Variants in PFKL observed in about 807,000 individuals in gnomAD.
The protein encoded by PFKL is phosphofructokinase, liver type.
PFKL carries 74 observed loss-of-function variants against 92.1 expected under a neutral mutation model. The observed-to-expected ratio is 0.80, with a 90% CI of 0.67 to 0.97. The LOEUF (loss-of-function observed/expected upper bound fraction) is 0.97. Among genes scored for constraint, PFKL ranks in the 50% least tolerant of loss-of-function variants. The probability of loss-of-function intolerance (pLI) is 0.00; values close to 1 mark genes in which losing one functional copy is unlikely to be tolerated. For synonymous variants in PFKL, 494 were observed against 456.4 expected (o/e 1.08, Z -1.05); for missense variants, 1,028 against 1,116.6 (o/e 0.92, Z 1.13).
rs1216527584 is a variant in PFKL, at chr21:44,300,186, G to A, written c.81G>A (p.Ala27=). ...AIGVLTSGGD[A]QGMNAAVRAV... ...GCGTCCTGACCAGCGGCGGCGACGC[G>A]CAAGGTGGGCGGGGGTCCCGGCCGC... The change falls in exon 1 of 22, where the codon GCG becomes GCA. Residue 27 remains alanine, a synonymous_variant. Transcript: ENST00000349048. 1 of 1,135,486 alleles carries A rather than the reference G, an allele frequency of 8.8e-7. No individual in the cohort carries two copies. The highest frequency in any genetic ancestry group is 1.1e-6 in the Non-Finnish European group (1 of 920,062). The allele number at this position is 1,135,486 out of a possible 1,614,324, so 70.3% of individuals were successfully genotyped here. A position where few individuals can be genotyped will look rare whatever the true frequency, so the allele number is the denominator to read the frequency against.
At chr21:44,315,956 G>A (rs747122762) in intron 7 of PFKL, 24 of 464,180 alleles carry the variant, frequency 5.2e-5, no homozygotes, top group Non-Finnish European at 8.3e-5. Flanking sequence ...AGCTGTGTGT[G>A]TGCTGGGCCC....
rs142196118 is a variant in PFKL at position 44,313,012 on chromosome 21, G to T, written c.462G>T (p.Ser154=). The T allele has an allele frequency of 3.1e-6, 5 of 1,612,946 alleles. No homozygotes were observed. The highest frequency in any genetic ancestry group is 1.1e-5 in the South Asian group (1 of 91,084). The part of the protein sequence containing the change: ...KISETTARTY[S]HLNIAGLVGS... ...CAGAGACTACAGCCCGGACCTACTC[G>T]CACCTGAACATCGCGGGCCTAGTGG... The change falls in exon 5 of 22, where the codon TCG becomes TCT. Residue 154 remains serine, a synonymous_variant. Coordinates refer to ENST00000349048, the MANE Select transcript of PFKL (RefSeq NM_002626.6).
At chr21:44,320,214 G>T in intron 12 of PFKL, 67 bp downstream of exon 12, 1 of 1,433,360 alleles carries the variant, frequency 7.0e-7, no homozygotes, top group Admixed American at 1.7e-5. Flanking sequence ...TCTTCACGCT[G>T]GCCCCGTGGC....
intron 4 of PFKL, 121 bp downstream of exon 4, chr21:44,312,415 C>A: frequency 1.1e-6 from 1 of 934,986 alleles, no homozygotes; most frequent in Non-Finnish European, 1.5e-6. Flanking sequence ...AGAGGAGGGG[C>A]TGTCTGGCCG....
intron 11 of PFKL, 141 bp from the exon 12 acceptor site, chr21:44,319,943 C>G: frequency 1.4e-6 from 1 of 709,634 alleles, no homozygotes; most frequent in East Asian, 2.6e-5. Context: ...GCCTGGCATG[C>G]GCGGTGTCTG....
chr21:44,324,951 G>T (rs151152841), intron 18 of PFKL, 34 bp downstream of exon 18: 1 of 1,569,464 alleles, frequency 6.4e-7, no homozygotes, highest in South Asian at 1.1e-5. Context: ...CCACAGCTGC[G>T]CGTCCAACTC....
chr21:44,324,591 G>GCA lies in PFKL; in HGVS notation c.1752_1753dup (p.Ile585ThrfsTer21). The GCA allele has an allele frequency of 6.2e-7, 1 of 1,612,790 alleles. No individual in the cohort carries two copies. The highest frequency in any genetic ancestry group is 8.5e-7 in the Non-Finnish European group (1 of 1,179,656). On this transcript the variant is annotated frameshift_variant, in exon 17 of 22. Coordinates refer to ENST00000349048, the MANE Select transcript of PFKL (RefSeq NM_002626.6). LOFTEE classifies it high-confidence loss of function. The stretch of plus-strand genomic sequence containing the variant: ...TGTGGCTACCTGGCCACCGTGACTG[G>GCA]CATTGCTGTGGGGGCCGACGCCGCC...
intron 10 of PFKL, among the ~76,000 whole-genome samples, chr21:44,318,953 A>G (rs1424882396): frequency 6.6e-6 from 1 of 152,116 alleles, no homozygotes; most frequent in East Asian, 1.9e-4. Context: ...GGAGGAGCTC[A>G]GGCAGGTGAT....
At chr21:44,313,876 G>T (rs1042146252) in intron 6 of PFKL, 37 bp from the exon 7 acceptor site, 1 of 1,504,008 alleles carries the variant, frequency 6.6e-7, no homozygotes, top group Non-Finnish European at 9.0e-7. Context: ...CAACGGCTGG[G>T]TGGGGGTCCT....
intron 7 of PFKL, chr21:44,315,472 C>G (rs1263305928): frequency 6.6e-6 from 1 of 152,518 alleles, no homozygotes; most frequent in Non-Finnish European, 1.5e-5. Context: ...AGGTAGCCCT[C>G]CACTCCCACC....
intron 1 of PFKL, among the ~76,000 whole-genome samples, chr21:44,303,637 G>A (rs962070952): frequency 2.6e-5 from 4 of 152,028 alleles, no homozygotes; most frequent in Non-Finnish European, 4.4e-5. Flanking sequence ...TTCCTGGCCC[G>A]CCACGCCTCC....
chr21:44,300,192 TGGGC>T lies in PFKL; in HGVS notation c.85+6_85+9del. On this transcript the variant is annotated splice_donor_5th_base_variant and intron_variant, in intron 1 of 21. Coordinates refer to ENST00000349048, the MANE Select transcript of PFKL (RefSeq NM_002626.6). Reference sequence around the variant, plus strand: ...TGACCAGCGGCGGCGACGCGCAAGGTGGGCGGGGGTCCCGGCCGCGTCGCGGCGC... The same window carrying T: ...TGACCAGCGGCGGCGACGCGCAAGGTGGGGGTCCCGGCCGCGTCGCGGCGC... 6.3e-6 allele frequency: 7 copies of T among 1,105,214 alleles called. No homozygotes were observed. In the South Asian group the frequency reaches 2.0e-4, roughly 31 times the overall value. 68.5% of individuals were successfully genotyped at this position (1,105,214 alleles called of 1,614,324 possible).
chr21:44,323,169 G>A, intron 15 of PFKL, 120 bp downstream of exon 15: 2 of 814,628 alleles, frequency 2.5e-6, no homozygotes, highest in Non-Finnish European at 4.0e-6. Context: ...GGCCGAGAGG[G>A]TCGGGGTTTT....
At chr21:44,318,069 T>C (rs1378328163) in intron 9 of PFKL, among the ~76,000 whole-genome samples, 9 of 152,228 alleles carry the variant, frequency 5.9e-5, no homozygotes, top group Admixed American at 5.9e-4. Flanking sequence ...GCCCAGCCCT[T>C]TGGCCGGTGC....
At chr21:44,311,461 C>T (rs1452435317) in intron 3 of PFKL, among the ~76,000 whole-genome samples, 2 of 152,160 alleles carry the variant, frequency 1.3e-5, no homozygotes, top group East Asian at 3.8e-4. Flanking sequence ...TACACAGATA[C>T]ACACGTAGAC....
chr21:44,308,951 T>G (rs1414354339), intron 2 of PFKL, among the ~76,000 whole-genome samples: 2 of 152,298 alleles, frequency 1.3e-5, no homozygotes, highest in South Asian at 4.2e-4. Flanking sequence ...GACACAGGTC[T>G]TTCTTCCTAC....
Position 44,319,383 on chromosome 21 carries a change from G to C in PFKL, c.1095G>C (p.Lys365Asn), listed in dbSNP as rs1213798338. The part of the protein sequence containing the change: ...TKEVQKAMDD[K>N]RFDEATQLRG... ...AAGTGCAGAAAGCCATGGATGACAA[G>C]AGGTTTGACGAGGCCACCCAGCTCC... is the stretch of plus-strand genomic sequence containing the variant. The change falls in exon 11 of 22, where the codon AAG becomes AAC. Residue 365 changes from lysine to asparagine, a missense_variant. Physicochemically the swap from Lys to Asn is moderately conservative, Grantham distance 94. Transcript: ENST00000349048. The C allele has an allele frequency of 6.2e-7, 1 of 1,613,792 alleles. No homozygotes were observed. Among genetic ancestry groups the C allele is most frequent in the South Asian group, 1.1e-5 (1 of 91,088 alleles).
chr21:44,316,909 C>G (rs886130146), intron 9 of PFKL, among the ~76,000 whole-genome samples: 2 of 152,202 alleles, frequency 1.3e-5, no homozygotes, highest in African/African-American at 4.8e-5. Flanking sequence ...CTGTTCTGAC[C>G]CCCACCCTCT....
At chr21:44,300,561 C>A (rs940998269) in intron 1 of PFKL, among the ~76,000 whole-genome samples, 1 of 152,192 alleles carries the variant, frequency 6.6e-6, no homozygotes, top group Admixed American at 6.5e-5. Context: ...CTGAAGCGAC[C>A]CGGGGACCCG....
Sources: gnomAD v4.1 joint callset for allele counts (sites outside exome capture counted in the v4.1 genomes callset) on GRCh38, gnomAD v4.1.1 for gene constraint, MANE v1.5 for transcripts, NCBI Gene and HGNC (gene_info 2026-07-23, HGNC 2026-07-21) for gene names.